The following EVI5 variants were observed in gnomAD, a reference collection of about 807,000 sequenced individuals.
EVI5 encodes ecotropic viral integration site 5 protein homolog.
A neutral mutation model predicts 112.0 loss-of-function variants in EVI5; 73 were observed. The observed-to-expected ratio is 0.65, with a 90% CI of 0.54 to 0.79. The LOEUF is 0.79. Among genes scored for constraint, EVI5 ranks in the 30% least tolerant of loss-of-function variants. The probability of loss-of-function intolerance (pLI) is 0.00; values close to 1 mark genes in which losing one functional copy is unlikely to be tolerated. For synonymous variants in EVI5, 305 were observed against 319.9 expected (o/e 0.95, Z 0.50); for missense variants, 900 against 968.8 (o/e 0.93, Z 0.94).
chr1:92,552,869 T>G (rs1667150193), intron 19 of EVI5, among the ~76,000 whole-genome samples: 1 of 152,138 alleles, frequency 6.6e-6, no homozygotes, highest in South Asian at 2.1e-4. Context: ...GTGGTTTCCT[T>G]ATCTAGCATC....
intron 1 of EVI5, among the ~76,000 whole-genome samples, chr1:92,765,244 A>G (rs1375143550): frequency 7.4e-6 from 1 of 134,330 alleles, no homozygotes; most frequent in Non-Finnish European, 1.5e-5. Context: ...TAATAGAGAC[A>G]GGGTCTCACC....
In EVI5 at chr1:92,562,365, T is replaced by TA. The variant is rs550024134; in HGVS notation, c.2166+1276dup. On this transcript the variant is annotated intron_variant, in intron 19 of 19. Coordinates refer to ENST00000684568, the MANE Select transcript of EVI5 (RefSeq NM_001350197.2). Reference sequence around the variant, plus strand: ...TAACACAGTGAAACCCCGTCTCTACTAAAAAAATACAAAAAATTAGCCAGC... The same window carrying TA: ...TAACACAGTGAAACCCCGTCTCTACTAAAAAAAATACAAAAAATTAGCCAGC... 1.8e-3 allele frequency among the ~76,000 whole-genome samples: 278 copies of TA among 151,864 alleles called. 1 individual carries two copies. Among genetic ancestry groups the TA allele is most frequent in the African/African-American group, 6.5e-3 (269 of 41,382 alleles).
chr1:92,770,789 C>CA (rs1297004232), intron 1 of EVI5, among the ~76,000 whole-genome samples: 6 of 150,892 alleles, frequency 4.0e-5, no homozygotes, highest in South Asian at 4.2e-4. Flanking sequence ...GACTCCATCT[C>CA]AAAAAAAAGA....
chr1:92,604,778 T>C (rs1488938983), intron 18 of EVI5, among the ~76,000 whole-genome samples: 1 of 152,204 alleles, frequency 6.6e-6, no homozygotes, highest in Non-Finnish European at 1.5e-5. Context: ...ACATGAGTAA[T>C]GTGTTGCACT....
Position 92,697,783 on chromosome 1 carries a change from T to G in EVI5, c.765+77A>C. ...GTGCTTTAATGCTTTTAACATTAAA[T>G]TTGCTTAGTTGGCACTCAGAACAAG... is the stretch of plus-strand genomic sequence containing the variant. On this transcript the variant is annotated intron_variant, in intron 6 of 19. Coordinates refer to ENST00000684568, the MANE Select transcript of EVI5 (RefSeq NM_001350197.2). The G allele has an allele frequency of 4.3e-6, 5 of 1,175,850 alleles. No homozygotes were observed. In the South Asian group the frequency reaches 5.4e-5, roughly 13 times the overall value. 72.8% of individuals were successfully genotyped at this position (1,175,850 alleles called of 1,614,324 possible).
intron 2 of EVI5, among the ~76,000 whole-genome samples, chr1:92,733,584 T>G (rs568394824): frequency 6.6e-6 from 1 of 151,996 alleles, no homozygotes; most frequent in South Asian, 2.1e-4. Context: ...TTTTTTTTTT[T>G]TAATTTTAGT....
chr1:92,556,065 C>CTT (rs771124421), intron 19 of EVI5, among the ~76,000 whole-genome samples: 2 of 140,878 alleles, frequency 1.4e-5, no homozygotes, highest in Non-Finnish European at 3.1e-5. Context: ...TTCTTTCTTT[C>CTT]TTTTTTTTTT....
chr1:92,714,088 G>A (rs181365608), intron 2 of EVI5: 577 of 980,280 alleles, frequency 5.9e-4, no homozygotes, highest in Non-Finnish European at 6.5e-4. Flanking sequence ...AAAACTATCC[G>A]ATTTCAACTT....
chr1:92,748,559 G>A (rs1246964806), intron 1 of EVI5, among the ~76,000 whole-genome samples: 1 of 152,054 alleles, frequency 6.6e-6, no homozygotes, highest in Non-Finnish European at 1.5e-5. Context: ...TACAGTAACT[G>A]GAACAATATC....
intron 19 of EVI5, among the ~76,000 whole-genome samples, chr1:92,550,781 A>AATATATATATATATATATATAT (rs1330757944): frequency 2.0e-4 from 4 of 20,324 alleles, no homozygotes; most frequent in Middle Eastern, 0.042. Context: ...AAAAAAAAAA[A>AATATATATATATATATATATAT]ATATATATAT....
At chr1:92,685,630 G>C (rs905929268) in intron 9 of EVI5, among the ~76,000 whole-genome samples, 4 of 152,048 alleles carry the variant, frequency 2.6e-5, no homozygotes, top group Non-Finnish European at 5.9e-5. Context: ...GTTTTGAAGA[G>C]ATTAACAAAA....
chr1:92,599,548 A>C lies in EVI5; in HGVS notation c.2070+5759T>G, dbSNP rs2391176. 9.4e-3 allele frequency among the ~76,000 whole-genome samples: 1,425 copies of C among 152,216 alleles called. 19 individuals carry two copies. Among genetic ancestry groups the C allele is most frequent in the African/African-American group, 0.032 (1,342 of 41,556 alleles). ...TCTATATATCTATATTTATATAGAC[A>C]TATACATATAATTAAATATTGAAAC... is the stretch of plus-strand genomic sequence containing the variant. On this transcript the variant is annotated intron_variant, in intron 18 of 19. Coordinates refer to ENST00000684568, the MANE Select transcript of EVI5 (RefSeq NM_001350197.2).
intron 1 of EVI5, among the ~76,000 whole-genome samples, chr1:92,778,610 G>A (rs557568010): frequency 6.6e-6 from 1 of 152,084 alleles, no homozygotes; most frequent in East Asian, 1.9e-4. Flanking sequence ...AATATGACTG[G>A]GACAAAAGGA....
At position 92,578,290 on chromosome 1, in the gene EVI5, G is replaced by C. The variant is rs532710724; in HGVS notation, c.2071-14553C>G. Among the ~76,000 whole-genome samples, 7 of 152,140 alleles carry C rather than the reference G, an allele frequency of 4.6e-5. No homozygotes were observed. The South Asian group carries it at 1.5e-3, about 32-fold the overall frequency. Reference sequence around the variant, plus strand: ...TTCTTGTCACCATTTCTTTCTTTTAGCAAAACTAAAGTGTGGAGAAATTCT... The same window carrying C: ...TTCTTGTCACCATTTCTTTCTTTTACCAAAACTAAAGTGTGGAGAAATTCT... On this transcript the variant is annotated intron_variant, in intron 18 of 19. Transcript: ENST00000684568.
chr1:92,694,010 T>C (rs1669910935), intron 8 of EVI5, 111 bp from the exon 9 acceptor site: 2 of 745,896 alleles, frequency 2.7e-6, no homozygotes, highest in Non-Finnish European at 4.5e-6. Context: ...GCTTGTAATC[T>C]CAGCATTTTG....
intron 15 of EVI5, among the ~76,000 whole-genome samples, chr1:92,625,114 G>T (rs1202064462): frequency 6.6e-6 from 1 of 151,530 alleles, no homozygotes; most frequent in Non-Finnish European, 1.5e-5. Context: ...CAATACATTA[G>T]AAAAAAAATG....
Position 92,512,236 on chromosome 1 carries a change from CA to C in EVI5, c.*1419del, listed in dbSNP as rs1659230503. ...AACAAAAACTAGAGATTCTGAAGAT[CA>C]TGTTAATAGATTATTTGTAGATATA... On this transcript the variant is annotated 3_prime_UTR_variant, in exon 20 of 20. Transcript: ENST00000684568. 2 of 152,570 alleles carry C rather than the reference CA, an allele frequency of 1.3e-5. No individual in the cohort carries two copies. Among genetic ancestry groups the C allele is most frequent in the Admixed American group, 1.3e-4 (2 of 15,276 alleles). The allele number at this position is 152,570 out of a possible 1,614,324, so 9.5% of individuals were successfully genotyped here.
At chr1:92,732,787 C>T (rs1676692260) in intron 2 of EVI5, among the ~76,000 whole-genome samples, 1 of 149,696 alleles carries the variant, frequency 6.7e-6, no homozygotes, top group Non-Finnish European at 1.5e-5. Context: ...GTAATCCTAG[C>T]TACTTGGGAG....
At chr1:92,579,620 T>C (rs954697822) in intron 18 of EVI5, among the ~76,000 whole-genome samples, 23 of 152,336 alleles carry the variant, frequency 1.5e-4, no homozygotes, top group African/African-American at 5.3e-4. Context: ...TATACATTTC[T>C]CCATTACTAT....
Sources: gnomAD v4.1 joint callset for allele counts (sites outside exome capture counted in the v4.1 genomes callset) on GRCh38, gnomAD v4.1.1 for gene constraint, MANE v1.5 for transcripts, NCBI Gene and HGNC (gene_info 2026-07-23, HGNC 2026-07-21) for gene names.